NAA15: variants seen among roughly 807,000 people sequenced by gnomAD.
NAA15 encodes the protein N-terminal acetyltransferase.
A neutral mutation model predicts 114.0 loss-of-function variants in NAA15; 34 were observed. The ratio of observed to expected loss-of-function variants is 0.30; its 90% CI spans 0.23 to 0.40. The LOEUF (loss-of-function observed/expected upper bound fraction) is 0.40, where lower values mean the gene tolerates loss of function less well. Ranked by LOEUF, NAA15 falls within the 10% of genes least tolerant of loss-of-function variation. The pLI is 1.00. For missense variants in NAA15, 658 were observed against 1,004.5 expected (o/e 0.66, Z 4.66); for synonymous variants, 340 against 338.0 (o/e 1.01, Z -0.06).
chr4:139,352,098 A>C (rs1479667273), intron 9 of NAA15, among the ~76,000 whole-genome samples: 1 of 151,676 alleles, frequency 6.6e-6, no homozygotes, highest in Non-Finnish European at 1.5e-5. Context: ...GCTTCTTTAG[A>C]GGTTATTTTA....
At chr4:139,372,680 C>T (rs1748474174) in intron 15 of NAA15, among the ~76,000 whole-genome samples, 1 of 152,090 alleles carries the variant, frequency 6.6e-6, no homozygotes, top group Non-Finnish European at 1.5e-5. Context: ...ATTTTAAAGG[C>T]CGCCTGCCAA....
At chr4:139,310,400 G>C (rs1405566312) in intron 1 of NAA15, among the ~76,000 whole-genome samples, 1 of 147,524 alleles carries the variant, frequency 6.8e-6, no homozygotes, top group Non-Finnish European at 1.5e-5. Context: ...CTTGCAGTGA[G>C]CCGAGATCCC....
At chr4:139,334,295 T>G in intron 2 of NAA15, 37 bp downstream of exon 2, 1 of 1,332,770 alleles carries the variant, frequency 7.5e-7, no homozygotes, top group Non-Finnish European at 1.0e-6. Flanking sequence ...TACATACCTG[T>G]CTGGCCTCTC....
In NAA15 at chr4:139,390,093, G is replaced by C. The variant is rs542471298; in HGVS notation, c.*2009G>C. On this transcript the variant is annotated 3_prime_UTR_variant, in exon 20 of 20. Coordinates refer to ENST00000296543, the MANE Select transcript of NAA15 (RefSeq NM_057175.5). ...AATAGGGGGTGTATGTGTGAATTTT[G>C]TTTAAACTCTACTGTATATTGAAAT... The C allele has an allele frequency of 2.0e-5, 3 of 152,690 alleles. No homozygotes were observed. Among genetic ancestry groups the C allele is most frequent in the African/African-American group, 7.2e-5 (3 of 41,566 alleles). The allele number at this position is 152,690 out of a possible 1,614,324, so 9.5% of individuals were successfully genotyped here. A position where few individuals can be genotyped will look rare whatever the true frequency, so the allele number is the denominator to read the frequency against.
At chr4:139,387,801 C>G in intron 19 of NAA15, 83 bp from the exon 20 acceptor site, 1 of 1,025,342 alleles carries the variant, frequency 9.8e-7, no homozygotes, top group African/African-American at 1.6e-5. Flanking sequence ...TTTTAGAAAT[C>G]TCTTGCTGTT....
At chr4:139,324,994 A>G (rs2110873937) in intron 1 of NAA15, among the ~76,000 whole-genome samples, 1 of 152,328 alleles carries the variant, frequency 6.6e-6, no homozygotes, top group South Asian at 2.1e-4. Flanking sequence ...TTCAATAAGG[A>G]CATAGCTGAA....
rs750474534 is a variant in NAA15, at chr4:139,351,171, G to T, written c.812-20G>T. The T allele has an allele frequency of 2.2e-5, 31 of 1,402,940 alleles. No homozygotes were observed. The highest frequency in any genetic ancestry group is 3.7e-4 in the Middle Eastern group (2 of 5,420). The allele number at this position is 1,402,940 out of a possible 1,614,324, so 86.9% of individuals were successfully genotyped here. A position where few individuals can be genotyped will look rare whatever the true frequency, so the allele number is the denominator to read the frequency against. On this transcript the variant is annotated intron_variant, in intron 7 of 19. Transcript: ENST00000296543. ...ACAATTTATGATTATATATAACAAA[G>T]AATTTTTCTTTGTTTGCAGCTAATA...
intron 17 of NAA15, among the ~76,000 whole-genome samples, chr4:139,380,196 A>G (rs1346394287): frequency 1.3e-5 from 2 of 151,778 alleles, no homozygotes; most frequent in East Asian, 3.9e-4. Context: ...TAATGTAACC[A>G]TATTGTAGAA....
intron 1 of NAA15, among the ~76,000 whole-genome samples, chr4:139,319,653 G>C (rs1467745368): frequency 1.3e-5 from 2 of 150,988 alleles, no homozygotes; most frequent in Non-Finnish European, 3.0e-5. Flanking sequence ...GGCTGGTCTT[G>C]AACTCCTGGG....
At chr4:139,302,052 G>A in intron 1 of NAA15, 1 of 440,362 alleles carries the variant, frequency 2.3e-6, no homozygotes, top group African/African-American at 2.0e-5. Context: ...CCACGCTTGA[G>A]GCCCTGGTTC....
chr4:139,336,919 A>C lies in NAA15; in HGVS notation c.211A>C (p.Arg71=). 1 of 1,601,544 alleles carries C rather than the reference A, an allele frequency of 6.2e-7. No homozygotes were observed. Residue 71 remains arginine (R), a synonymous_variant, in exon 3 of 20, where the codon AGA becomes CGA. Coordinates refer to ENST00000296543, the MANE Select transcript of NAA15 (RefSeq NM_057175.5). ...GGAAGAAGCTTATGAATTGGTTCGT[A>C]GAGGTTTGAGAAATGACTTGAAGAG... ...KKEEAYELVR[R]GLRNDLKSHV...
intron 13 of NAA15, 106 bp downstream of exon 13, chr4:139,360,734 C>A: frequency 9.9e-7 from 1 of 1,015,130 alleles, no homozygotes; most frequent in Non-Finnish European, 1.3e-6. Context: ...ATAGTAGGTG[C>A]TTTTTAAAAT....
chr4:139,301,956 T>A, intron 1 of NAA15, 125 bp downstream of exon 1: 1 of 1,020,822 alleles, frequency 9.8e-7, no homozygotes, highest in Non-Finnish European at 1.4e-6. Context: ...ATAGCTCTCG[T>A]CAGGCCGAAT....
At position 139,311,819 on chromosome 4, in the gene NAA15, C is replaced by G. The variant is rs185090446; in HGVS notation, c.54+9988C>G. 9.2e-4 allele frequency among the ~76,000 whole-genome samples: 139 copies of G among 151,830 alleles called. 2 individuals are homozygous for G. Among genetic ancestry groups the G allele is most frequent in the Non-Finnish European group, 1.6e-3 (108 of 67,960 alleles). ...TTTAAAATATAAAATGTTAGAAGAGCTGGGCGCAGGGGTGCATGCCAGTTA... is the reference window on the plus strand; with the variant it reads ...TTTAAAATATAAAATGTTAGAAGAGGTGGGCGCAGGGGTGCATGCCAGTTA... On this transcript the variant is annotated intron_variant, in intron 1 of 19. Transcript: ENST00000296543.
intron 14 of NAA15, among the ~76,000 whole-genome samples, chr4:139,365,783 C>A (rs1232205883): frequency 2.0e-5 from 3 of 152,050 alleles, no homozygotes; most frequent in Non-Finnish European, 4.4e-5. Flanking sequence ...CCCTGGAAGT[C>A]AGAGCTGCAG....
chr4:139,336,827 C>T, intron 2 of NAA15, 21 bp from the exon 3 acceptor site: 1 of 1,400,618 alleles, frequency 7.1e-7, no homozygotes, highest in African/African-American at 1.5e-5. Flanking sequence ...TGTTCCTTTT[C>T]TTCTTTGTTT....
intron 1 of NAA15, among the ~76,000 whole-genome samples, chr4:139,329,934 A>T (rs1247149448): frequency 6.6e-6 from 1 of 152,116 alleles, no homozygotes; most frequent in African/African-American, 2.4e-5. Flanking sequence ...CCAGGAGTAA[A>T]GTGGTGGCAT....
At chr4:139,358,191 G>GTTTTTTTTT (rs200019923) in intron 11 of NAA15, among the ~76,000 whole-genome samples, 1 of 143,542 alleles carries the variant, frequency 7.0e-6, no homozygotes, top group African/African-American at 2.5e-5. Context: ...TTTTGTTTTT[G>GTTTTTTTTT]TTTTTTTTTT....
At chr4:139,351,648 T>G (rs774345384) in intron 9 of NAA15, 37 bp downstream of exon 9, 2 of 1,072,488 alleles carry the variant, frequency 1.9e-6, no homozygotes, top group African/African-American at 3.1e-5. Context: ...TGGCTACCAT[T>G]TCTTTGCTCG....
Sources: gnomAD v4.1 joint callset for allele counts (sites outside exome capture counted in the v4.1 genomes callset) on GRCh38, gnomAD v4.1.1 for gene constraint, MANE v1.5 for transcripts, NCBI Gene and HGNC (gene_info 2026-07-23, HGNC 2026-07-21) for gene names.